Variants in CTNNA2 observed in about 807,000 individuals in gnomAD.
The protein encoded by CTNNA2 is catenin alpha 2.
Under a neutral mutation model 101.0 loss-of-function variants are expected in CTNNA2, and 42 were observed. That is an observed-to-expected ratio of 0.42 (90% CI 0.32 to 0.54). The LOEUF is 0.54. CTNNA2 is among the 20% of genes least tolerant of loss of function. The pLI, the probability that CTNNA2 is intolerant of heterozygous loss-of-function variation, is 0.14. For synonymous variants in CTNNA2, 450 were observed against 456.4 expected, an observed-to-expected ratio of 0.99 and a Z score of 0.18; for missense variants, 871 against 1,223.1, an observed-to-expected ratio of 0.71 and a Z score of 4.29.
At chr2:79,454,754 G>A (rs1670795621) in intron 4 of CTNNA2, among the ~76,000 whole-genome samples, 1 of 152,012 alleles carries the variant, frequency 6.6e-6, no homozygotes, top group African/African-American at 2.4e-5. Context: ...TCATAATCAG[G>A]TTGCCATTTT....
Position 79,920,353 on chromosome 2 carries a change from C to T in CTNNA2, c.1056+10556C>T, listed in dbSNP as rs146736114. On this transcript the variant is annotated intron_variant, in intron 7 of 18. Coordinates refer to ENST00000402739, the MANE Select transcript of CTNNA2 (RefSeq NM_001282597.3). ...TTTATTTCTACTATAACACTTGCCA[C>T]ACTCCAAAATCACATCATCTTATTG... Among the ~76,000 whole-genome samples the T allele has an allele frequency of 1.1e-3, 169 of 152,302 alleles. 1 individual carries two copies. The highest frequency in any genetic ancestry group is 3.9e-3 in the African/African-American group (164 of 41,572).
chr2:80,292,526 G>T (rs944250893), intron 7 of CTNNA2, among the ~76,000 whole-genome samples: 1 of 152,134 alleles, frequency 6.6e-6, no homozygotes, highest in East Asian at 1.9e-4. Flanking sequence ...AAATCTTAAG[G>T]ATTTTGCAGG....
chr2:79,307,829 C>A (rs1159422532), intron 2 of CTNNA2, among the ~76,000 whole-genome samples: 1 of 152,122 alleles, frequency 6.6e-6, no homozygotes, highest in Non-Finnish European at 1.5e-5. Context: ...AGTTTAAATT[C>A]CTATGAACAG....
Position 79,411,726 on chromosome 2 carries a change from A to G in CTNNA2, c.-135+37713A>G, listed in dbSNP as rs4274616. Among the ~76,000 whole-genome samples the G allele has an allele frequency of 1.8e-3, 277 of 152,254 alleles. 3 individuals are homozygous for G. The highest frequency in any genetic ancestry group is 6.3e-3 in the African/African-American group (261 of 41,572). ...ATTTTGTCACCACCAGGCCTGCTCT[A>G]AAAGAGCTCCTGAAGGAAACACTAA... On this transcript the variant is annotated intron_variant, in intron 4 of 21. Coordinates refer to the CTNNA2 transcript ENST00000466387.
intron 7 of CTNNA2, among the ~76,000 whole-genome samples, chr2:80,314,505 A>T (rs555656198): frequency 3.3e-5 from 5 of 152,308 alleles, no homozygotes; most frequent in African/African-American, 9.6e-5. Flanking sequence ...AGCCTTTAAC[A>T]TATAGGGATG....
At chr2:80,645,944 A>C (rs536795022) in intron 18 of CTNNA2, among the ~76,000 whole-genome samples, 1 of 152,234 alleles carries the variant, frequency 6.6e-6, no homozygotes, top group African/African-American at 2.4e-5. Flanking sequence ...TTTTCTGGTG[A>C]TGGAAAAATT....
chr2:80,150,125 G>A (rs1703602571), intron 7 of CTNNA2, among the ~76,000 whole-genome samples: 1 of 152,226 alleles, frequency 6.6e-6, no homozygotes, highest in African/African-American at 2.4e-5. Flanking sequence ...TTCTGAGATG[G>A]TCACGCCTGC....
At chr2:80,630,454 TG>T (rs769847616) in intron 18 of CTNNA2, among the ~76,000 whole-genome samples, 10 of 152,006 alleles carry the variant, frequency 6.6e-5, no homozygotes, top group Admixed American at 4.6e-4. Flanking sequence ...CTGGCCAACA[TG>T]GTAAAACCCC....
chr2:80,472,764 G>T (rs775723285), intron 9 of CTNNA2, among the ~76,000 whole-genome samples: 3 of 152,134 alleles, frequency 2.0e-5, no homozygotes, highest in Non-Finnish European at 2.9e-5. Flanking sequence ...GCACAAGACA[G>T]AATTAAACAA....
intron 9 of CTNNA2, among the ~76,000 whole-genome samples, chr2:80,473,655 T>A (rs1685489957): frequency 6.6e-6 from 1 of 152,216 alleles, no homozygotes; most frequent in African/African-American, 2.4e-5. Context: ...GCAGTCAGTT[T>A]ACATTTTACT....
rs3040535 is a variant in CTNNA2 at position 80,310,972 on chromosome 2, C to CAAA, written c.1057-82223_1057-82221dup. Among the ~76,000 whole-genome samples the CAAA allele has an allele frequency of 3.6e-3, 349 of 96,400 alleles. 2 individuals carry two copies. Among genetic ancestry groups the CAAA allele is most frequent in the African/African-American group, 0.01 (305 of 29,088 alleles). The allele number at this position is 96,400 out of a possible 152,430, so 63.2% of individuals were successfully genotyped here. On this transcript the variant is annotated intron_variant, in intron 7 of 18. Transcript: ENST00000402739. ...TGGGTGACAGTGCGAGACTCCATCT[C>CAAA]AAAAAAAAAAAAAAAAAATGTAAAT...
chr2:79,605,197 T>C (rs1677804021), intron 1 of CTNNA2, among the ~76,000 whole-genome samples: 1 of 152,114 alleles, frequency 6.6e-6, no homozygotes. Context: ...GAAACTACAA[T>C]GTCTGCTGTG....
intron 7 of CTNNA2, among the ~76,000 whole-genome samples, chr2:80,055,474 T>C (rs1349356567): frequency 6.6e-6 from 1 of 152,192 alleles, no homozygotes; most frequent in Non-Finnish European, 1.5e-5. Context: ...GGGCCGAATC[T>C]TGACTGAAAC....
chr2:80,526,396 C>T lies in CTNNA2; in HGVS notation c.1291-18586C>T, dbSNP rs758201148. The stretch of plus-strand genomic sequence containing the variant: ...TGTATTTTTAGTAGAGATGGAGTTT[C>T]GCCATGTTGGCCAGGCTGGTCTCGA... On this transcript the variant is annotated intron_variant, in intron 9 of 18. Coordinates refer to ENST00000402739, the MANE Select transcript of CTNNA2 (RefSeq NM_001282597.3). 1.2e-3 allele frequency among the ~76,000 whole-genome samples: 180 copies of T among 152,236 alleles called. 1 individual carries two copies. The highest frequency in any genetic ancestry group is 2.1e-3 in the African/African-American group (86 of 41,546).
chr2:80,251,917 T>C (rs935690811), intron 7 of CTNNA2, among the ~76,000 whole-genome samples: 3 of 152,212 alleles, frequency 2.0e-5, no homozygotes, highest in Non-Finnish European at 4.4e-5. Context: ...GTAGACAAAA[T>C]GTCAGCGTTT....
intron 3 of CTNNA2, among the ~76,000 whole-genome samples, chr2:79,835,662 CTT>C (rs1405806885): frequency 2.7e-5 from 2 of 72,916 alleles, no homozygotes; most frequent in African/African-American, 1.4e-4. Flanking sequence ...AATGGCCTCT[CTT>C]TGTTTTTTTT....
At chr2:80,408,267 G>A (rs969147264) in intron 8 of CTNNA2, among the ~76,000 whole-genome samples, 1 of 152,176 alleles carries the variant, frequency 6.6e-6, no homozygotes, top group African/African-American at 2.4e-5. Flanking sequence ...TGGAAGTACA[G>A]GCCAGGTGAC....
chr2:80,041,219 AT>A (rs1696031598), intron 7 of CTNNA2, among the ~76,000 whole-genome samples: 1 of 151,736 alleles, frequency 6.6e-6, no homozygotes, highest in South Asian at 2.1e-4. Context: ...ATGTACTTTC[AT>A]TTTTTTATAA....
chr2:79,457,484 G>T (rs11893385), intron 4 of CTNNA2, among the ~76,000 whole-genome samples: 2 of 152,028 alleles, frequency 1.3e-5, no homozygotes, highest in African/African-American at 4.8e-5. Flanking sequence ...AATATAAGTG[G>T]GTCATTGGGG....
Sources: gnomAD v4.1 joint callset for allele counts (sites outside exome capture counted in the v4.1 genomes callset) on GRCh38, gnomAD v4.1.1 for gene constraint, MANE v1.5 for transcripts, NCBI Gene and HGNC (gene_info 2026-07-23, HGNC 2026-07-21) for gene names.